The following VPS13A variants were observed in gnomAD, a reference collection of about 807,000 sequenced individuals.
VPS13A encodes vacuolar protein sorting 13 homolog A, also known as intermembrane lipid transfer protein VPS13A.
A neutral mutation model predicts 390.9 loss-of-function variants in VPS13A; 264 were observed. The observed-to-expected ratio is 0.68, with a 90% CI of 0.61 to 0.75. The LOEUF is 0.75. Among genes scored for constraint, VPS13A ranks in the 30% least tolerant of loss-of-function variants. The pLI, the probability that VPS13A is intolerant of heterozygous loss-of-function variation, is 0.00. For synonymous variants in VPS13A, 1,231 were observed against 1,227.1 expected (o/e 1.00, Z -0.07); for missense variants, 3,409 against 3,733.9 (o/e 0.91, Z 2.27).
chr9:77,255,718 A>T (rs573728830), intron 22 of VPS13A, among the ~76,000 whole-genome samples: 1 of 152,162 alleles, frequency 6.6e-6, no homozygotes, highest in South Asian at 2.1e-4. Context: ...TTGTTTCTTC[A>T]TAATTCAGTG....
At chr9:77,330,291 T>A (rs551700763) in intron 45 of VPS13A, among the ~76,000 whole-genome samples, 2 of 152,272 alleles carry the variant, frequency 1.3e-5, no homozygotes, top group Non-Finnish European at 2.9e-5. Context: ...GCTGGAATTA[T>A]AATAGGTGTG....
At chr9:77,179,122 AG>A (rs1292878721) in intron 1 of VPS13A, among the ~76,000 whole-genome samples, 4 of 152,216 alleles carry the variant, frequency 2.6e-5, no homozygotes, top group Non-Finnish European at 5.9e-5. Context: ...GTACCTCAGA[AG>A]GAAGCCTTAA....
intron 36 of VPS13A, 57 bp from the exon 37 acceptor site, chr9:77,314,438 A>AAATACACTTTAGACTTGTGTTT: frequency 6.5e-7 from 1 of 1,533,114 alleles, no homozygotes; most frequent in Non-Finnish European, 9.0e-7. Flanking sequence ...TCATATCATG[A>AAATACACTTTAGACTTGTGTTT]AATACACTTT....
At chr9:77,217,696 G>A (rs1288480210) in intron 10 of VPS13A, among the ~76,000 whole-genome samples, 2 of 151,788 alleles carry the variant, frequency 1.3e-5, no homozygotes, top group East Asian at 1.9e-4. Flanking sequence ...CACATTGTCC[G>A]GTTACCTGTT....
chr9:77,413,481 G>A (rs1213538717), intron 71 of VPS13A, among the ~76,000 whole-genome samples: 1 of 152,152 alleles, frequency 6.6e-6, no homozygotes, highest in Non-Finnish European at 1.5e-5. Context: ...ACAAAAACAA[G>A]AAATGGGGAA....
At chr9:77,350,325 T>A (rs1255617444) in intron 52 of VPS13A, among the ~76,000 whole-genome samples, 3 of 152,184 alleles carry the variant, frequency 2.0e-5, no homozygotes, top group African/African-American at 7.2e-5. Context: ...TTGCATTGAT[T>A]TTAATGTTTT....
chr9:77,314,657 A>G lies in VPS13A; in HGVS notation c.4405A>G (p.Thr1469Ala). The stretch of plus-strand genomic sequence containing the variant: ...TAAAAGACCTCATGTCAAGAAAGCA[A>G]CTCCTCGGTATGTATTGTAATGATG... Reference protein sequence around the residue: ...DDKRPHVKKATPRMIGLTVGF... With the variant: ...DDKRPHVKKAAPRMIGLTVGF... The change falls in exon 37 of 72, where the codon ACT becomes GCT. Residue 1469 changes from threonine (T) to alanine (A), a missense_variant. Coordinates refer to ENST00000360280, the MANE Select transcript of VPS13A (RefSeq NM_033305.3). 1.9e-6 allele frequency: 3 copies of G among 1,611,472 alleles called. No individual in the cohort carries two copies. Among genetic ancestry groups the G allele is most frequent in the South Asian group, 1.1e-5 (1 of 90,992 alleles).
chr9:77,331,555 C>A (rs966816930), intron 45 of VPS13A, among the ~76,000 whole-genome samples: 3 of 151,810 alleles, frequency 2.0e-5, no homozygotes, highest in Non-Finnish European at 4.4e-5. Flanking sequence ...TTGATTGCAA[C>A]TTTTTTAATG....
intron 68 of VPS13A, chr9:77,384,545 C>G (rs1417241658): frequency 6.2e-7 from 1 of 1,610,536 alleles, no homozygotes; most frequent in Non-Finnish European, 8.5e-7. Flanking sequence ...CCATACTCTA[C>G]TAACCTTTGT....
chr9:77,411,386 G>T (rs565418644), intron 71 of VPS13A, among the ~76,000 whole-genome samples: 3 of 151,884 alleles, frequency 2.0e-5, no homozygotes, highest in Non-Finnish European at 4.4e-5. Context: ...GAACTAGGCC[G>T]GGCACAGTGG....
Position 77,314,518 on chromosome 9 carries a change from T to C in VPS13A, c.4266T>C (p.Asp1422=). The C allele has an allele frequency of 6.2e-7, 1 of 1,612,476 alleles. No individual in the cohort carries two copies. The highest frequency in any genetic ancestry group is 8.5e-7 in the Non-Finnish European group (1 of 1,179,372). The change falls in exon 37 of 72, where the codon GAT becomes GAC. Residue 1422 remains aspartate, a synonymous_variant. Transcript: ENST00000360280. ...PKQASFTDVR[D]PSLKLAEFKL... ...AGGCTTCCTTTACAGATGTTCGTGA[T>C]CCTTCTCTGAAACTTGCTGAATTTA...
At chr9:77,218,392 C>T (rs1475757471) in intron 10 of VPS13A, among the ~76,000 whole-genome samples, 1 of 152,060 alleles carries the variant, frequency 6.6e-6, no homozygotes, top group Non-Finnish European at 1.5e-5. Flanking sequence ...GGATTACAGG[C>T]GTGAGCCACT....
chr9:77,337,760 A>G (rs1830612121), intron 47 of VPS13A: 1 of 472,822 alleles, frequency 2.1e-6, no homozygotes, highest in African/African-American at 1.9e-5. Flanking sequence ...ATTATGTTGT[A>G]TTCTTTTAGT....
rs565647531 is a variant in VPS13A at position 77,311,824 on chromosome 9, A to G, written c.4115-2168A>G. Among the ~76,000 whole-genome samples the G allele has an allele frequency of 1.1e-4, 16 of 152,326 alleles. No individual in the cohort carries two copies. In the East Asian group the frequency reaches 2.3e-3, roughly 22 times the overall value. ...TTTACAAAGATGCACCATTTTGTGG[A>G]CCATTAAATTTTCTGACCACATTGG... is the stretch of plus-strand genomic sequence containing the variant. On this transcript the variant is annotated intron_variant, in intron 35 of 71. Coordinates refer to ENST00000360280, the MANE Select transcript of VPS13A (RefSeq NM_033305.3).
intron 19 of VPS13A, among the ~76,000 whole-genome samples, chr9:77,243,996 T>C (rs954391340): frequency 6.6e-6 from 1 of 152,142 alleles, no homozygotes; most frequent in African/African-American, 2.4e-5. Context: ...CCAGAGGTTT[T>C]GGTGGCCGAG....
rs1379966444 is a variant in VPS13A, at chr9:77,418,171, C to G, written c.*2165C>G. On this transcript the variant is annotated 3_prime_UTR_variant, in exon 72 of 72. Coordinates refer to ENST00000360280, the MANE Select transcript of VPS13A (RefSeq NM_033305.3). ...TCTTCTTGTATTTGAAAACCATCTGCCCTAAATTACATTTAACTACAAGAA... is the reference window on the plus strand; with the variant it reads ...TCTTCTTGTATTTGAAAACCATCTGGCCTAAATTACATTTAACTACAAGAA... 1.3e-5 allele frequency: 2 copies of G among 152,166 alleles called. No homozygotes were observed. Among genetic ancestry groups the G allele is most frequent in the African/African-American group, 4.8e-5 (2 of 41,450 alleles). The allele number at this position is 152,166 out of a possible 1,614,324, so 9.4% of individuals were successfully genotyped here.
chr9:77,197,296 GTCCTATATT>G (rs1346621434), intron 1 of VPS13A, among the ~76,000 whole-genome samples: 1 of 152,146 alleles, frequency 6.6e-6, no homozygotes, highest in East Asian at 1.9e-4. Context: ...ATAGTATTAA[GTCCTATATT>G]TCCTTATTAA....
rs114699935 is a variant in VPS13A at position 77,321,589 on chromosome 9, G to A, written c.5673G>A (p.Ser1891=). The A allele has an allele frequency of 9.2e-4, 1,479 of 1,613,202 alleles. 8 individuals carry two copies. In the African/African-American group the frequency reaches 0.017, roughly 19 times the overall value. The part of the protein sequence containing the change: ...LNSLGLTISV[S]PSDSFSVLNI... ...CCCTTGGACTTACTATTTCTGTTTC[G>A]CCAAGTGATTCTTTTAGTGTACTCA... Residue 1891 remains serine, a synonymous_variant, in exon 44 of 72, where the codon TCG becomes TCA. Coordinates refer to ENST00000360280, the MANE Select transcript of VPS13A (RefSeq NM_033305.3).
rs778808119 is a variant in VPS13A, at chr9:77,403,307, A to G, written c.9261A>G (p.Leu3087=). 3.7e-6 allele frequency: 6 copies of G among 1,611,462 alleles called. No individual in the cohort carries two copies. Among genetic ancestry groups the G allele is most frequent in the Non-Finnish European group, 5.1e-6 (6 of 1,179,332 alleles). The change falls in exon 69 of 72, where the codon CTA becomes CTG. Residue 3087 remains leucine, a synonymous_variant. Transcript: ENST00000360280. The part of the protein sequence containing the change: ...THVMINKTDM[L]MITRRGVLFV... ...TCATGATCAATAAGACAGATATGCT[A>G]ATGATAACCAGACGGTAACTTGCTT...
Sources: gnomAD v4.1 joint callset for allele counts (sites outside exome capture counted in the v4.1 genomes callset) on GRCh38, gnomAD v4.1.1 for gene constraint, MANE v1.5 for transcripts, NCBI Gene and HGNC (gene_info 2026-07-23, HGNC 2026-07-21) for gene names.